NECTIN2: variants seen among roughly 807,000 people sequenced by gnomAD.
NECTIN2 encodes the protein nectin-2.
NECTIN2 carries 23 observed loss-of-function variants against 56.9 expected under a neutral mutation model. The ratio of observed to expected loss-of-function variants is 0.40; its 90% CI spans 0.29 to 0.57. NECTIN2 has a LOEUF of 0.57. NECTIN2 is among the 20% of genes least tolerant of loss of function. The pLI, the probability that NECTIN2 is intolerant of heterozygous loss-of-function variation, is 0.38. For missense variants in NECTIN2, 587 were observed against 718.3 expected, an observed-to-expected ratio of 0.82 and a Z score of 2.09; for synonymous variants, 302 against 313.8, an observed-to-expected ratio of 0.96 and a Z score of 0.40.
chr19:44,866,612 G>A (rs1969104476), intron 2 of NECTIN2, among the ~76,000 whole-genome samples: 1 of 151,978 alleles, frequency 6.6e-6, no homozygotes, highest in East Asian at 1.9e-4. Context: ...TGGAGTATTT[G>A]AGGGCCAGGA....
chr19:44,879,252 A>T (rs1969279989), intron 5 of NECTIN2, among the ~76,000 whole-genome samples: 1 of 151,246 alleles, frequency 6.6e-6, no homozygotes, highest in African/African-American at 2.4e-5. Flanking sequence ...GTGTGGCCAG[A>T]CCCATCAGAG....
intron 1 of NECTIN2, among the ~76,000 whole-genome samples, chr19:44,853,632 G>A (rs1968928536): frequency 5.9e-5 from 9 of 151,598 alleles, no homozygotes; most frequent in Admixed American, 5.9e-4. Context: ...GGGATTACGG[G>A]GGCCCGCCAC....
intron 1 of NECTIN2, among the ~76,000 whole-genome samples, chr19:44,856,329 C>G (rs56317818): frequency 6.6e-6 from 1 of 152,044 alleles, no homozygotes; most frequent in Non-Finnish European, 1.5e-5. Flanking sequence ...TATTAGCCTC[C>G]TCCCCAACAC....
intron 5 of NECTIN2, among the ~76,000 whole-genome samples, chr19:44,876,806 C>G (rs1969244416): frequency 6.6e-6 from 1 of 152,192 alleles, no homozygotes; most frequent in African/African-American, 2.4e-5. Flanking sequence ...TCTTGAACTC[C>G]TGGCCTCAAA....
chr19:44,865,770 G>A lies in NECTIN2; in HGVS notation c.478+110G>A. ...TTCAGCTGTGAGGTTCACATTCTCT[G>A]TGGGTTTCCATCCATCAGCAAATGT... On this transcript the variant is annotated intron_variant, in intron 2 of 8. Coordinates refer to ENST00000252483, the MANE Select transcript of NECTIN2 (RefSeq NM_001042724.2). The surrounding 1 kb of genome is among the most constrained non-coding windows in gnomAD (Gnocchi z 5.2). 1 of 1,247,748 alleles carries A rather than the reference G, an allele frequency of 8.0e-7. No homozygotes were observed. The highest frequency in any genetic ancestry group is 1.1e-6 in the Non-Finnish European group (1 of 931,876). The allele number at this position is 1,247,748 out of a possible 1,614,324, so 77.3% of individuals were successfully genotyped here.
In NECTIN2 at chr19:44,860,267, G is replaced by A. The variant is rs564166392; in HGVS notation, c.89-5004G>A. Among the ~76,000 whole-genome samples, 4 of 152,262 alleles carry A rather than the reference G, an allele frequency of 2.6e-5. No individual in the cohort carries two copies. In the East Asian group the frequency reaches 5.8e-4, roughly 22 times the overall value. On this transcript the variant is annotated intron_variant, in intron 1 of 8. Transcript: ENST00000252483. ...AGGCTGGGCGCAGTGGCTCATGCCC[G>A]TAATCCGAACACTTTGGGAGGCCGA...
At chr19:44,846,801 C>A (rs1391547794) in intron 1 of NECTIN2, among the ~76,000 whole-genome samples, 188 bp downstream of exon 1, 1 of 151,120 alleles carries the variant, frequency 6.6e-6, no homozygotes, top group Non-Finnish European at 1.5e-5. Context: ...AGACTCTGAC[C>A]CCTCCTTTCT....
chr19:44,878,373 G>A (rs756325847), intron 5 of NECTIN2: 60 of 1,554,166 alleles, frequency 3.9e-5, no homozygotes, highest in Non-Finnish European at 5.1e-5. Flanking sequence ...GGAGGAGCAG[G>A]AGGAGGAGCC....
intron 1 of NECTIN2, among the ~76,000 whole-genome samples, chr19:44,864,021 C>CCCG (rs775055678): frequency 6.6e-6 from 1 of 151,236 alleles, no homozygotes; most frequent in African/African-American, 2.4e-5. Context: ...TTCCCCCCCC[C>CCCG]CAAAAAAAAA....
intron 6 of NECTIN2, 96 bp downstream of exon 6, chr19:44,882,460 C>A: frequency 3.4e-6 from 4 of 1,166,908 alleles, no homozygotes; most frequent in Non-Finnish European, 4.4e-6. Context: ...TCCATAATGG[C>A]TGTGTGAAAC....
rs139704857 is a variant in NECTIN2 at position 44,866,392 on chromosome 19, G to A, written c.478+732G>A. ...TACACTCTAGCCTGGGTGACAGAGT[G>A]AGGCCCTATCTCTAATAAATAAATA... is the stretch of plus-strand genomic sequence containing the variant. On this transcript the variant is annotated intron_variant, in intron 2 of 8. Transcript: ENST00000252483. Among the ~76,000 whole-genome samples the A allele has an allele frequency of 2.0e-3, 307 of 152,102 alleles. 3 individuals are homozygous for A. The highest frequency in any genetic ancestry group is 7.0e-3 in the African/African-American group (292 of 41,494).
In NECTIN2 at chr19:44,850,260, G is replaced by T. The variant is rs142154795; in HGVS notation, c.88+3647G>T. ...TGGGAATTGGAGACACAGAGGGACA[G>T]GGACCCTAAGAACTAGACACAGAGA... On this transcript the variant is annotated intron_variant, in intron 1 of 8. Transcript: ENST00000252483. Among the ~76,000 whole-genome samples, 46 of 152,212 alleles carry T rather than the reference G, an allele frequency of 3.0e-4. No individual in the cohort carries two copies. The East Asian group carries it at 7.9e-3, about 26-fold the overall frequency.
chr19:44,888,102 A>G lies in NECTIN2; in HGVS notation c.1348-8A>G, dbSNP rs537032580. 1 of 1,609,456 alleles carries G rather than the reference A, an allele frequency of 6.2e-7. No homozygotes were observed. The highest frequency in any genetic ancestry group is 2.2e-5 in the East Asian group (1 of 44,742). On this transcript the variant is annotated splice_polypyrimidine_tract_variant and splice_region_variant and intron_variant, in intron 8 of 8. Coordinates refer to ENST00000252483, the MANE Select transcript of NECTIN2 (RefSeq NM_001042724.2). Reference sequence around the variant, plus strand: ...GATCTTGAGTTCCTGTCCTCTCTCTACCTCCAGGAAATGCCTCGATACCAT... The same window carrying G: ...GATCTTGAGTTCCTGTCCTCTCTCTGCCTCCAGGAAATGCCTCGATACCAT...
Position 44,882,315 on chromosome 19 carries a change from C to T in NECTIN2, c.1147C>T (p.Arg383Trp), listed in dbSNP as rs761494937. The T allele has an allele frequency of 7.1e-6, 11 of 1,545,606 alleles. No individual in the cohort carries two copies. The highest frequency in any genetic ancestry group is 5.9e-5 in the Admixed American group (3 of 50,728). The change falls in exon 6 of 9, where the codon CGG becomes TGG. Residue 383 changes from arginine to tryptophan, a missense_variant. Coordinates refer to ENST00000252483, the MANE Select transcript of NECTIN2 (RefSeq NM_001042724.2). ...AVAATGILIC[R>W]QQRKEQTLQG... ...GGCTGCCACGGGCATCCTTATCTGC[C>T]GGCAGCAGCGGAAGGAGCAGACGCT... is the stretch of plus-strand genomic sequence containing the variant.
chr19:44,858,070 C>T (rs1053570955), intron 1 of NECTIN2, among the ~76,000 whole-genome samples: 1 of 152,152 alleles, frequency 6.6e-6, no homozygotes, highest in African/African-American at 2.4e-5. Context: ...GTGGAGGAGG[C>T]GTGTGACCGA....
chr19:44,871,355 C>T (rs1969172289), intron 2 of NECTIN2, among the ~76,000 whole-genome samples: 1 of 152,010 alleles, frequency 6.6e-6, no homozygotes, highest in Non-Finnish European at 1.5e-5. Context: ...AGCAAGAACT[C>T]ATCTCTACAA....
At chr19:44,858,030 G>C (rs1321226752) in intron 1 of NECTIN2, among the ~76,000 whole-genome samples, 2 of 152,220 alleles carry the variant, frequency 1.3e-5, no homozygotes, top group African/African-American at 4.8e-5. Context: ...GGGGAGGGCA[G>C]CTGTGCAGGA....
Position 44,882,299 on chromosome 19 carries a change from G to C in NECTIN2, c.1131G>C (p.Thr377=). Residue 377 remains threonine (T), a synonymous_variant, in exon 6 of 9, where the codon ACG becomes ACC. Transcript: ENST00000252483. ...TCATTGCTACTGCTGTGGCTGCCAC[G>C]GGCATCCTTATCTGCCGGCAGCAGC... is the stretch of plus-strand genomic sequence containing the variant. ...AAIIATAVAA[T]GILICRQQRK... is the part of the protein sequence containing the mutation. The C allele has an allele frequency of 2.6e-6, 4 of 1,561,606 alleles. No homozygotes were observed. The highest frequency in any genetic ancestry group is 3.5e-6 in the Non-Finnish European group (4 of 1,153,334).
chr19:44,870,365 G>A lies in NECTIN2; in HGVS notation c.479-1488G>A, dbSNP rs565718571. On this transcript the variant is annotated intron_variant, in intron 2 of 8. Coordinates refer to ENST00000252483, the MANE Select transcript of NECTIN2 (RefSeq NM_001042724.2). ...CTCCACGATGGTCAGGGGAGAAGGC[G>A]GTGGGAAGGGAGAGCTGGGAAGAAG... 2.0e-5 allele frequency among the ~76,000 whole-genome samples: 3 copies of A among 152,236 alleles called. 1 individual carries two copies. Among genetic ancestry groups the A allele is most frequent in the African/African-American group, 7.2e-5 (3 of 41,544 alleles).
Sources: gnomAD v4.1 joint callset for allele counts (sites outside exome capture counted in the v4.1 genomes callset) on GRCh38, gnomAD v4.1.1 for gene constraint, Gnocchi (gnomAD v3.1) non-coding constraint, MANE v1.5 for transcripts, NCBI Gene and HGNC (gene_info 2026-07-23, HGNC 2026-07-21) for gene names.